FAM43B: variants seen among roughly 807,000 people sequenced by gnomAD.
The protein encoded by FAM43B is protein FAM43B.
In FAM43B, 17 loss-of-function variants were observed where a neutral mutation model predicts 20.1. The observed-to-expected ratio is 0.84, with a 90% CI of 0.58 to 1.27. The LOEUF (loss-of-function observed/expected upper bound fraction) is 1.27. Among genes scored for constraint, FAM43B ranks in the 50% most tolerant of loss-of-function variants. FAM43B has a pLI of 0.00. For missense variants in FAM43B, 512 were observed against 516.7 expected, an observed-to-expected ratio of 0.99 and a Z score of 0.09; for synonymous variants, 208 against 238.5, an observed-to-expected ratio of 0.87 and a Z score of 1.18.
In FAM43B at chr1:20,554,269, A is replaced by C; in HGVS notation, c.*306A>C. On this transcript the variant is annotated 3_prime_UTR_variant, in exon 1 of 1. Coordinates refer to ENST00000332947, the MANE Select transcript of FAM43B (RefSeq NM_207334.3). ...TCATTCCCTCCCAAAACATCCTCTCAAGAGAAGGGAGGAGAAGTTTCAAGA... is the reference window on the plus strand; with the variant it reads ...TCATTCCCTCCCAAAACATCCTCTCCAGAGAAGGGAGGAGAAGTTTCAAGA... 9.5e-6 allele frequency: 2 copies of C among 211,302 alleles called. No individual in the cohort carries two copies. The highest frequency in any genetic ancestry group is 2.0e-5 in the Non-Finnish European group (2 of 97,674). The allele number at this position is 211,302 out of a possible 1,614,324, so 13.1% of individuals were successfully genotyped here. A position where few individuals can be genotyped will look rare whatever the true frequency, so the allele number is the denominator to read the frequency against.
Position 20,553,780 on chromosome 1 carries a change from G to T in FAM43B, c.807G>T (p.Glu269Asp). 6.8e-7 allele frequency: 1 copy of T among 1,475,194 alleles called. No individual in the cohort carries two copies. Among genetic ancestry groups the T allele is most frequent in the Admixed American group, 2.2e-5 (1 of 44,594 alleles). 91.4% of individuals were successfully genotyped at this position (1,475,194 alleles called of 1,614,324 possible). ...GCAGCATCCAGGAGGAGGACGAGGA[G>T]GAGGAGGAGGACGACGCGGAGGAGC... ...RLSSIQEEDE[E>D]EEEDDAEEQE... The change falls in exon 1 of 1, where the codon GAG (glutamate) becomes GAT (aspartate). Residue 269 changes from glutamate to aspartate, a missense_variant. Transcript: ENST00000332947. The surrounding 1 kb of genome is among the most constrained non-coding windows in gnomAD (Gnocchi z 6.5).
Position 20,553,641 on chromosome 1 carries a change from G to T in FAM43B, c.668G>T (p.Arg223Leu). 7.8e-7 allele frequency: 1 copy of T among 1,284,446 alleles called. No homozygotes were observed. The highest frequency in any genetic ancestry group is 9.8e-7 in the Non-Finnish European group (1 of 1,022,624). The allele number at this position is 1,284,446 out of a possible 1,614,324, so 79.6% of individuals were successfully genotyped here. A position where few individuals can be genotyped will look rare whatever the true frequency, so the allele number is the denominator to read the frequency against. ...DARHVRQQHL[R>L]AGGAAASVPR... ...CGCCACGTGCGCCAGCAGCATCTCC[G>T]CGCTGGGGGCGCCGCCGCCTCGGTG... The change falls in exon 1 of 1, where the codon CGC becomes CTC. Residue 223 changes from arginine to leucine, a missense_variant. Physicochemically the swap from Arg to Leu is moderately radical, Grantham distance 102 (BLOSUM62 -2). Transcript: ENST00000332947. The surrounding 1 kb of genome is among the most constrained non-coding windows in gnomAD (Gnocchi z 6.5).
In FAM43B at chr1:20,552,737, C is replaced by T. The variant is rs1229255632; in HGVS notation, c.-237C>T. ...CGGCTGGAGACACTCCCGGGAAAAG[C>T]GGTCCTCAGCCACTCGGCCGCCGTC... On this transcript the variant is annotated 5_prime_UTR_variant, in exon 1 of 1. Coordinates refer to ENST00000332947, the MANE Select transcript of FAM43B (RefSeq NM_207334.3). 5.2e-6 allele frequency: 3 copies of T among 580,480 alleles called. No homozygotes were observed. Among genetic ancestry groups the T allele is most frequent in the Non-Finnish European group, 9.1e-6 (3 of 329,742 alleles). 36.0% of individuals were successfully genotyped at this position (580,480 alleles called of 1,614,324 possible).
chr1:20,552,844 A>G lies in FAM43B; in HGVS notation c.-130A>G. On this transcript the variant is annotated 5_prime_UTR_variant, in exon 1 of 1. Transcript: ENST00000332947. Reference sequence around the variant, plus strand: ...TGGCACTGGGCATCTCCAGGCAACGACTGTCCCCGGCCCTGCCCAGCTTCT... The same window carrying G: ...TGGCACTGGGCATCTCCAGGCAACGGCTGTCCCCGGCCCTGCCCAGCTTCT... 18 of 1,144,720 alleles carry G rather than the reference A, an allele frequency of 1.6e-5. No individual in the cohort carries two copies. Among genetic ancestry groups the G allele is most frequent in the Non-Finnish European group, 2.2e-5 (18 of 823,294 alleles). 70.9% of individuals were successfully genotyped at this position (1,144,720 alleles called of 1,614,324 possible). A position where few individuals can be genotyped will look rare whatever the true frequency, so the allele number is the denominator to read the frequency against.
In FAM43B at chr1:20,552,794, G is replaced by C; in HGVS notation, c.-180G>C. On this transcript the variant is annotated 5_prime_UTR_variant, in exon 1 of 1. Coordinates refer to ENST00000332947, the MANE Select transcript of FAM43B (RefSeq NM_207334.3). Reference sequence around the variant, plus strand: ...TCGGCTGCTGGCCCGGCTGGGCACCGGGCATCTGCGAAGCTAGCCCTGCCT... The same window carrying C: ...TCGGCTGCTGGCCCGGCTGGGCACCCGGCATCTGCGAAGCTAGCCCTGCCT... 2 of 739,608 alleles carry C rather than the reference G, an allele frequency of 2.7e-6. No homozygotes were observed. Among genetic ancestry groups the C allele is most frequent in the Non-Finnish European group, 4.3e-6 (2 of 466,318 alleles). 45.8% of individuals were successfully genotyped at this position (739,608 alleles called of 1,614,324 possible). A position where few individuals can be genotyped will look rare whatever the true frequency, so the allele number is the denominator to read the frequency against.
At position 20,554,436 on chromosome 1, in the gene FAM43B, A is replaced by T. The variant is rs531588187; in HGVS notation, c.*473A>T. The T allele has an allele frequency of 1.8e-5, 3 of 167,408 alleles. No homozygotes were observed. Among genetic ancestry groups the T allele is most frequent in the Admixed American group, 1.3e-4 (2 of 15,322 alleles). The allele number at this position is 167,408 out of a possible 1,614,324, so 10.4% of individuals were successfully genotyped here. A position where few individuals can be genotyped will look rare whatever the true frequency, so the allele number is the denominator to read the frequency against. On this transcript the variant is annotated 3_prime_UTR_variant, in exon 1 of 1. Coordinates refer to ENST00000332947, the MANE Select transcript of FAM43B (RefSeq NM_207334.3). ...GAGAAGAATCTAGCGGCCGGGGAGAATTGGGGCCGGGCCGGCGGTGGGCAG... is the reference window on the plus strand; with the variant it reads ...GAGAAGAATCTAGCGGCCGGGGAGATTTGGGGCCGGGCCGGCGGTGGGCAG...
chr1:20,553,469 C>G lies in FAM43B; in HGVS notation c.496C>G (p.Gln166Glu), dbSNP rs1317929691. The G allele has an allele frequency of 2.8e-6, 4 of 1,409,990 alleles. No homozygotes were observed. Among genetic ancestry groups the G allele is most frequent in the Non-Finnish European group, 3.7e-6 (4 of 1,095,666 alleles). 87.3% of individuals were successfully genotyped at this position (1,409,990 alleles called of 1,614,324 possible). The stretch of plus-strand genomic sequence containing the variant: ...CGTCTTCGCCTGGGTCTACCGCCAC[C>G]AGGCGCGCCACAAGGCCGTGGTGCT... ...PRVFAWVYRH[Q>E]ARHKAVVLRC... Residue 166 changes from glutamine (Q) to glutamate (E), a missense_variant, in exon 1 of 1, where the codon CAG becomes GAG. Coordinates refer to ENST00000332947, the MANE Select transcript of FAM43B (RefSeq NM_207334.3). The surrounding 1 kb of genome is among the most constrained non-coding windows in gnomAD (Gnocchi z 6.5).
At position 20,553,086 on chromosome 1, in the gene FAM43B, G is replaced by C; in HGVS notation, c.113G>C (p.Arg38Pro). 6.2e-7 allele frequency: 1 copy of C among 1,613,400 alleles called. No homozygotes were observed. The highest frequency in any genetic ancestry group is 8.5e-7 in the Non-Finnish European group (1 of 1,179,868). Residue 38 changes from arginine (R) to proline (P), a missense_variant, in exon 1 of 1, where the codon CGC (arginine) becomes CCC (proline). Arg to Pro is a moderately radical substitution (Grantham distance 103). Coordinates refer to ENST00000332947, the MANE Select transcript of FAM43B (RefSeq NM_207334.3). This position sits in a 1 kb window ranked among gnomAD's most constrained non-coding sequence, Gnocchi z 6.5. ...ACGTCGCTGCTCTCCAGCTTCCTGC[G>C]CTCCTGCCCGGACCTGCTGCCCGAC... ...AYTSLLSSFL[R>P]SCPDLLPDWP...
rs2052169578 is a variant in FAM43B at position 20,554,247 on chromosome 1, T to G, written c.*284T>G. Reference sequence around the variant, plus strand: ...GTCTCTTTGCCCACAGACCTCCTCATTCCCTCCCAAAACATCCTCTCAAGA... The same window carrying G: ...GTCTCTTTGCCCACAGACCTCCTCAGTCCCTCCCAAAACATCCTCTCAAGA... On this transcript the variant is annotated 3_prime_UTR_variant, in exon 1 of 1. Transcript: ENST00000332947. 66 of 225,342 alleles carry G rather than the reference T, an allele frequency of 2.9e-4. No homozygotes were observed. Among genetic ancestry groups the G allele is most frequent in the Non-Finnish European group, 4.6e-4 (49 of 106,946 alleles). 14.0% of individuals were successfully genotyped at this position (225,342 alleles called of 1,614,324 possible). A position where few individuals can be genotyped will look rare whatever the true frequency, so the allele number is the denominator to read the frequency against.
rs997559624 is a variant in FAM43B, at chr1:20,554,012, C to T, written c.*49C>T. ...CCCCAGGCCCGACCCGCCAGACTCACAGCCTCCAACCCCGGCCCTGCCCGC... is the reference window on the plus strand; with the variant it reads ...CCCCAGGCCCGACCCGCCAGACTCATAGCCTCCAACCCCGGCCCTGCCCGC... On this transcript the variant is annotated 3_prime_UTR_variant, in exon 1 of 1. Transcript: ENST00000332947. 10 of 1,206,130 alleles carry T rather than the reference C, an allele frequency of 8.3e-6. No homozygotes were observed. The highest frequency in any genetic ancestry group is 1.0e-5 in the Non-Finnish European group (10 of 970,302). 74.7% of individuals were successfully genotyped at this position (1,206,130 alleles called of 1,614,324 possible).
chr1:20,553,927 G>A lies in FAM43B; in HGVS notation c.954G>A (p.Lys318=). ...PPPPAQPRRW[K]AGPRERAGQA... ...CGCCCGCGCAGCCCCGCCGCTGGAA[G>A]GCCGGCCCCAGGGAGCGGGCGGGCC... is the stretch of plus-strand genomic sequence containing the variant. Residue 318 remains lysine (K), a synonymous_variant, in exon 1 of 1, where the codon AAG becomes AAA. Transcript: ENST00000332947. The surrounding 1 kb of genome is among the most constrained non-coding windows in gnomAD (Gnocchi z 6.5). 2 of 1,247,816 alleles carry A rather than the reference G, an allele frequency of 1.6e-6. No individual in the cohort carries two copies. Among genetic ancestry groups the A allele is most frequent in the Non-Finnish European group, 2.0e-6 (2 of 1,000,996 alleles). 77.3% of individuals were successfully genotyped at this position (1,247,816 alleles called of 1,614,324 possible).
In FAM43B at chr1:20,553,737, G is replaced by A. The variant is rs1308455633; in HGVS notation, c.764G>A (p.Arg255His). ...CGGCCGCCGCCGAGCGAGCGCAGCC[G>A]CGGGGCGCCGCGCCTCAGCAGCATC... Reference protein sequence around the residue: ...AYRPPPSERSRGAPRLSSIQE... With the variant: ...AYRPPPSERSHGAPRLSSIQE... The change falls in exon 1 of 1, where the codon CGC becomes CAC. Residue 255 changes from arginine (R) to histidine (H), a missense_variant. Arg to His is a conservative substitution (Grantham distance 29, BLOSUM62 0). Coordinates refer to ENST00000332947, the MANE Select transcript of FAM43B (RefSeq NM_207334.3). The surrounding 1 kb of genome is among the most constrained non-coding windows in gnomAD (Gnocchi z 6.5). The A allele has an allele frequency of 6.8e-7, 1 of 1,464,956 alleles. No individual in the cohort carries two copies. The highest frequency in any genetic ancestry group is 9.1e-7 in the Non-Finnish European group (1 of 1,104,366). The allele number at this position is 1,464,956 out of a possible 1,614,324, so 90.7% of individuals were successfully genotyped here. A position where few individuals can be genotyped will look rare whatever the true frequency, so the allele number is the denominator to read the frequency against.
Position 20,552,603 on chromosome 1 carries a change from T to G in FAM43B, c.-371T>G. On this transcript the variant is annotated 5_prime_UTR_variant, in exon 1 of 1. Coordinates refer to ENST00000332947, the MANE Select transcript of FAM43B (RefSeq NM_207334.3). ...GCCCCACTAAGCAGCCGCCAGCGGC[T>G]CCGGCGACCCAAATTGCGGCGGCAG... 6.4e-6 allele frequency: 2 copies of G among 311,748 alleles called. No individual in the cohort carries two copies. The highest frequency in any genetic ancestry group is 1.2e-5 in the Non-Finnish European group (2 of 167,318). The allele number at this position is 311,748 out of a possible 1,614,324, so 19.3% of individuals were successfully genotyped here.
Position 20,553,374 on chromosome 1 carries a change from G to A in FAM43B, c.401G>A (p.Gly134Asp), listed in dbSNP as rs1193534615. The A allele has an allele frequency of 4.7e-6, 7 of 1,475,314 alleles. No homozygotes were observed. The highest frequency in any genetic ancestry group is 2.3e-4 in the Middle Eastern group (1 of 4,388). The allele number at this position is 1,475,314 out of a possible 1,614,324, so 91.4% of individuals were successfully genotyped here. The change falls in exon 1 of 1, where the codon GGC becomes GAC. Residue 134 changes from glycine (G) to aspartate (D), a missense_variant. Transcript: ENST00000332947. The surrounding 1 kb of genome is among the most constrained non-coding windows in gnomAD (Gnocchi z 6.5). ...CERSAAGGSGGRRPAHAYLLP... is the reference protein window; with the variant it reads ...CERSAAGGSGDRRPAHAYLLP... ...CGCAGCGCCGCCGGGGGTTCGGGGG[G>A]CCGCAGGCCGGCGCACGCCTACCTG... is the stretch of plus-strand genomic sequence containing the variant.
Position 20,552,915 on chromosome 1 carries a change from T to C in FAM43B, c.-59T>C. On this transcript the variant is annotated 5_prime_UTR_variant, in exon 1 of 1. Transcript: ENST00000332947. ...CTTCTGCGCGCCTTCCCTCCCCCGG[T>C]CTCCCGACAGGACGCCGGTGAGCTC... 6.3e-7 allele frequency: 1 copy of C among 1,581,550 alleles called. No individual in the cohort carries two copies. Among genetic ancestry groups the C allele is most frequent in the Non-Finnish European group, 8.6e-7 (1 of 1,164,980 alleles).
In FAM43B at chr1:20,553,521, G is replaced by C; in HGVS notation, c.548G>C (p.Arg183Pro). 1 of 1,338,010 alleles carries C rather than the reference G, an allele frequency of 7.5e-7. No individual in the cohort carries two copies. The highest frequency in any genetic ancestry group is 2.0e-5 in the South Asian group (1 of 50,700). The allele number at this position is 1,338,010 out of a possible 1,614,324, so 82.9% of individuals were successfully genotyped here. A position where few individuals can be genotyped will look rare whatever the true frequency, so the allele number is the denominator to read the frequency against. Reference sequence around the variant, plus strand: ...CGCTGCCACGCTGTGCTGCTGGCGCGGGCGCACAAGGCGCGCGCCCTGGCC... The same window carrying C: ...CGCTGCCACGCTGTGCTGCTGGCGCCGGCGCACAAGGCGCGCGCCCTGGCC... ...VLRCHAVLLA[R>P]AHKARALARL... is the part of the protein sequence containing the mutation. The change falls in exon 1 of 1, where the codon CGG becomes CCG. Residue 183 changes from arginine (R) to proline (P), a missense_variant. Coordinates refer to ENST00000332947, the MANE Select transcript of FAM43B (RefSeq NM_207334.3). This position sits in a 1 kb window ranked among gnomAD's most constrained non-coding sequence, Gnocchi z 6.5.
chr1:20,554,195 G>A lies in FAM43B; in HGVS notation c.*232G>A. ...CGGAGTTTCCCGGGCCTGCCATTGT[G>A]GACCCGCCCCCTATGCTTTACACCT... On this transcript the variant is annotated 3_prime_UTR_variant, in exon 1 of 1. Transcript: ENST00000332947. The A allele has an allele frequency of 2.9e-6, 1 of 340,130 alleles. No homozygotes were observed. Among genetic ancestry groups the A allele is most frequent in the Non-Finnish European group, 5.3e-6 (1 of 189,964 alleles). 21.1% of individuals were successfully genotyped at this position (340,130 alleles called of 1,614,324 possible). A position where few individuals can be genotyped will look rare whatever the true frequency, so the allele number is the denominator to read the frequency against.
In FAM43B at chr1:20,553,518, C is replaced by T; in HGVS notation, c.545C>T (p.Ala182Val). ...CTGCGCTGCCACGCTGTGCTGCTGG[C>T]GCGGGCGCACAAGGCGCGCGCCCTG... ...VVLRCHAVLL[A>V]RAHKARALAR... Residue 182 changes from alanine (A) to valine (V), a missense_variant, in exon 1 of 1, where the codon GCG becomes GTG. Transcript: ENST00000332947. The surrounding 1 kb of genome is among the most constrained non-coding windows in gnomAD (Gnocchi z 6.5). The T allele has an allele frequency of 7.5e-7, 1 of 1,341,658 alleles. No individual in the cohort carries two copies. Among genetic ancestry groups the T allele is most frequent in the Non-Finnish European group, 9.5e-7 (1 of 1,053,196 alleles). The allele number at this position is 1,341,658 out of a possible 1,614,324, so 83.1% of individuals were successfully genotyped here. A position where few individuals can be genotyped will look rare whatever the true frequency, so the allele number is the denominator to read the frequency against.
Position 20,553,909 on chromosome 1 carries a change from G to A in FAM43B, c.936G>A (p.Ala312=), listed in dbSNP as rs776013913. ...GCGCCCCGGCGCCCCCGCCGCCCGCGCAGCCCCGCCGCTGGAAGGCCGGCC... is the reference window on the plus strand; with the variant it reads ...GCGCCCCGGCGCCCCCGCCGCCCGCACAGCCCCGCCGCTGGAAGGCCGGCC... ...LRGAPAPPPP[A]QPRRWKAGPR... The change falls in exon 1 of 1, where the codon GCG becomes GCA. Residue 312 remains alanine (A), a synonymous_variant. Transcript: ENST00000332947. The surrounding 1 kb of genome is among the most constrained non-coding windows in gnomAD (Gnocchi z 6.5). The A allele has an allele frequency of 7.9e-7, 1 of 1,260,406 alleles. No individual in the cohort carries two copies. The highest frequency in any genetic ancestry group is 3.2e-5 in the South Asian group (1 of 31,108). The allele number at this position is 1,260,406 out of a possible 1,614,324, so 78.1% of individuals were successfully genotyped here. A position where few individuals can be genotyped will look rare whatever the true frequency, so the allele number is the denominator to read the frequency against.
Sources: gnomAD v4.1 joint callset for allele counts on GRCh38, gnomAD v4.1.1 for gene constraint, Gnocchi (gnomAD v3.1) non-coding constraint, MANE v1.5 for transcripts, NCBI Gene and HGNC (gene_info 2026-07-23, HGNC 2026-07-21) for gene names.